Variants in DSCAML1 observed in about 807,000 individuals in gnomAD.
DSCAML1 encodes the protein cell adhesion molecule DSCAML1.
Under a neutral mutation model 200.5 loss-of-function variants are expected in DSCAML1, and 38 were observed. That is an observed-to-expected ratio of 0.19 (90% CI 0.15 to 0.25). The LOEUF (loss-of-function observed/expected upper bound fraction) is 0.25, where lower values mean the gene tolerates loss of function less well. Ranked by LOEUF, DSCAML1 falls within the 10% of genes least tolerant of loss-of-function variation. DSCAML1 has a pLI of 1.00. For missense variants in DSCAML1, 2,223 were observed against 2,858.8 expected, an observed-to-expected ratio of 0.78 and a Z score of 5.07; for synonymous variants, 1,215 against 1,165.0, an observed-to-expected ratio of 1.04 and a Z score of -0.87.
At chr11:117,796,949 A>G (rs2055590300) in intron 1 of DSCAML1, 85 bp downstream of exon 1, 3 of 1,076,412 alleles carry the variant, frequency 2.8e-6, no homozygotes, top group Non-Finnish European at 2.4e-6. Flanking sequence ...ACGCACCTGG[A>G]GCCCGCCGGG....
At chr11:117,720,844 G>A (rs1359550030) in intron 3 of DSCAML1, among the ~76,000 whole-genome samples, 1 of 152,222 alleles carries the variant, frequency 6.6e-6, no homozygotes, top group Non-Finnish European at 1.5e-5. Flanking sequence ...ATAAATGGCA[G>A]CTTTTATGGT....
intron 1 of DSCAML1, among the ~76,000 whole-genome samples, chr11:117,781,705 G>T (rs995717941): frequency 1.3e-4 from 20 of 152,198 alleles, no homozygotes; most frequent in African/African-American, 4.8e-4. Context: ...CACTTGGATC[G>T]TCTGCTCCTT....
intron 21 of DSCAML1, among the ~76,000 whole-genome samples, chr11:117,443,185 T>C (rs1480428479): frequency 6.6e-6 from 1 of 152,178 alleles, no homozygotes; most frequent in Non-Finnish European, 1.5e-5. Context: ...CCTGGGCTAG[T>C]TGTGGCCAGT....
chr11:117,430,852 G>A lies in DSCAML1; in HGVS notation c.5556C>T (p.Ala1852=), dbSNP rs760918261. ...GTGTGCTCATGGATGTCATGCTGTC[G>A]GCGTTCTCGTTGGTGCCTGTGGTCA... is the stretch of plus-strand genomic sequence containing the variant. ...DQMTTGTNEN[A]DSMTSMSTPS... Residue 1852 remains alanine (A), a synonymous_variant, in exon 32 of 33, where the codon GCC becomes GCT. Coordinates refer to ENST00000651296, the MANE Select transcript of DSCAML1 (RefSeq NM_020693.4). The A allele has an allele frequency of 1.2e-5, 19 of 1,614,046 alleles. No individual in the cohort carries two copies. The highest frequency in any genetic ancestry group is 1.1e-4 in the African/African-American group (8 of 74,920).
At chr11:117,461,617 A>C (rs1372651050) in intron 17 of DSCAML1, 21 bp from the exon 18 acceptor site, 1 of 1,605,866 alleles carries the variant, frequency 6.2e-7, no homozygotes, top group Non-Finnish European at 8.5e-7. Flanking sequence ...TAGGGGGAGA[A>C]CCAAGGGTCC....
chr11:117,456,841 AT>A (rs1209259634), intron 19 of DSCAML1, among the ~76,000 whole-genome samples: 1 of 151,570 alleles, frequency 6.6e-6, no homozygotes, highest in African/African-American at 2.4e-5. Flanking sequence ...CATCCGGCTA[AT>A]TTTTGTATTT....
In DSCAML1 at chr11:117,518,536, C is replaced by T. The variant is rs2049820933; in HGVS notation, c.1440G>A (p.Gly480=). The T allele has an allele frequency of 6.2e-7, 1 of 1,614,202 alleles. No individual in the cohort carries two copies. The highest frequency in any genetic ancestry group is 2.2e-5 in the East Asian group (1 of 44,878). The change falls in exon 7 of 33, where the codon GGG becomes GGA. Residue 480 remains glycine (G), a synonymous_variant. Coordinates refer to ENST00000651296, the MANE Select transcript of DSCAML1 (RefSeq NM_020693.4). The surrounding 1 kb of genome is among the most constrained non-coding windows in gnomAD (Gnocchi z 6.3). ...MNVTGPQIRD[G]GVYRCTARNL... ...TCCGCGCTGTGCACCGGTACACGCC[C>T]CCGTCGCGGATCTGGGGGCCTGTGA...
chr11:117,514,572 CTTTTTTTTTTTTTTTT>C (rs532136039), intron 8 of DSCAML1, among the ~76,000 whole-genome samples: 2 of 98,292 alleles, frequency 2.0e-5, no homozygotes, highest in African/African-American at 4.1e-5. Context: ...TTTTCTTTTT[CTTTTTTTTTTTTTTTT>C]TTTTTTTTTT....
At chr11:117,475,797 TC>T (rs377162573) in intron 14 of DSCAML1, among the ~76,000 whole-genome samples, 1 of 151,706 alleles carries the variant, frequency 6.6e-6, no homozygotes, top group South Asian at 2.1e-4. Context: ...CTCCTTTTTT[TC>T]TTCTGCGTTT....
chr11:117,637,652 A>T (rs970417262), intron 3 of DSCAML1, among the ~76,000 whole-genome samples: 1 of 152,162 alleles, frequency 6.6e-6, no homozygotes, highest in African/African-American at 2.4e-5. Context: ...GCCCTCAATA[A>T]GTAGATTAAA....
chr11:117,438,811 G>A (rs75808396), intron 24 of DSCAML1, 74 bp downstream of exon 24: 211,399 of 1,279,534 alleles, frequency 0.17, 18,969 homozygotes, highest in South Asian at 0.31. Flanking sequence ...TGGCAGAAGT[G>A]GGTGAAGCCC....
At chr11:117,538,268 C>T (rs1254326808) in intron 3 of DSCAML1, among the ~76,000 whole-genome samples, 1 of 152,232 alleles carries the variant, frequency 6.6e-6, no homozygotes, top group Non-Finnish European at 1.5e-5. Flanking sequence ...TATACTAGCG[C>T]AAGCCCCATT....
chr11:117,692,927 T>A (rs749163504), intron 3 of DSCAML1, among the ~76,000 whole-genome samples: 1 of 152,198 alleles, frequency 6.6e-6, no homozygotes. Context: ...TTCATTTTCC[T>A]GTGTTTCTCA....
intron 3 of DSCAML1, among the ~76,000 whole-genome samples, chr11:117,718,205 A>G (rs1391985140): frequency 6.6e-6 from 1 of 152,228 alleles, no homozygotes; most frequent in African/African-American, 2.4e-5. Flanking sequence ...CCTCTCTAGA[A>G]GCCACTCACG....
intron 3 of DSCAML1, among the ~76,000 whole-genome samples, chr11:117,635,993 C>T (rs546899097): frequency 2.0e-5 from 3 of 152,226 alleles, no homozygotes; most frequent in South Asian, 4.2e-4. Flanking sequence ...CTACAAAGAA[C>T]ATGCAACTGA....
chr11:117,780,248 G>GAAAAAGAAAGAAAGAAAGAAAGAA lies in DSCAML1; in HGVS notation c.364+244_364+245insTTCTTTCTTTCTTTCTTTCTTTTT, dbSNP rs750717030. Among the ~76,000 whole-genome samples, 9 of 76,742 alleles carry GAAAAAGAAAGAAAGAAAGAAAGAA rather than the reference G, an allele frequency of 1.2e-4. No homozygotes were observed. The highest frequency in any genetic ancestry group is 3.8e-4 in the African/African-American group (9 of 23,752). 50.3% of individuals were successfully genotyped at this position (76,742 alleles called of 152,430 possible). A position where few individuals can be genotyped will look rare whatever the true frequency, so the allele number is the denominator to read the frequency against. Reference sequence around the variant, plus strand: ...GAAAGAAAGGAAAGAAAGAAAGAAAGAAAGAAAGAAAGAAAGAAAGAAAGA... The same window carrying GAAAAAGAAAGAAAGAAAGAAAGAA: ...GAAAGAAAGGAAAGAAAGAAAGAAAGAAAAAGAAAGAAAGAAAGAAAGAAAAAGAAAGAAAGAAAGAAAGAAAGA... On this transcript the variant is annotated intron_variant, in intron 2 of 32. Transcript: ENST00000651296. The surrounding 1 kb of genome is among the most constrained non-coding windows in gnomAD (Gnocchi z 4.8).
intron 3 of DSCAML1, among the ~76,000 whole-genome samples, chr11:117,667,199 G>A (rs1305238051): frequency 6.6e-6 from 1 of 152,196 alleles, no homozygotes; most frequent in Non-Finnish European, 1.5e-5. Flanking sequence ...ATCACTTGAG[G>A]TCAGGAGTTC....
At chr11:117,639,337 T>C (rs1338643687) in intron 3 of DSCAML1, among the ~76,000 whole-genome samples, 2 of 40,414 alleles carry the variant, frequency 4.9e-5, no homozygotes, top group Non-Finnish European at 9.1e-5. Context: ...GATGGGAGGC[T>C]GGGTGGGTGG....
intron 11 of DSCAML1, among the ~76,000 whole-genome samples, chr11:117,486,503 G>A (rs1367074387): frequency 6.6e-6 from 1 of 152,188 alleles, no homozygotes; most frequent in South Asian, 2.1e-4. Flanking sequence ...TGTGAAAGGC[G>A]CATGTCTCAG....
Sources: gnomAD v4.1 joint callset for allele counts (sites outside exome capture counted in the v4.1 genomes callset) on GRCh38, gnomAD v4.1.1 for gene constraint, Gnocchi (gnomAD v3.1) non-coding constraint, MANE v1.5 for transcripts, NCBI Gene and HGNC (gene_info 2026-07-23, HGNC 2026-07-21) for gene names.